MBD5: variants seen among roughly 807,000 people sequenced by gnomAD.
MBD5 encodes methyl-CpG-binding domain protein 5.
Under a neutral mutation model 117.3 loss-of-function variants are expected in MBD5, and 13 were observed. The observed-to-expected ratio is 0.11, with a 90% CI of 0.07 to 0.18. The LOEUF is 0.18. Among genes scored for constraint, MBD5 ranks in the 10% least tolerant of loss-of-function variants. MBD5 has a pLI of 1.00. For synonymous variants in MBD5, 727 were observed against 766.4 expected, an observed-to-expected ratio of 0.95 and a Z score of 0.85; for missense variants, 1,879 against 2,093.8, an observed-to-expected ratio of 0.90 and a Z score of 2.00.
intron 4 of MBD5, among the ~76,000 whole-genome samples, chr2:148,361,114 G>A (rs912098868): frequency 5.9e-5 from 9 of 152,164 alleles, no homozygotes; most frequent in East Asian, 1.9e-4. Context: ...TTGGGAGGCC[G>A]AGGCAGCCGG....
intron 1 of MBD5, among the ~76,000 whole-genome samples, chr2:148,060,349 C>A (rs1350524555): frequency 2.0e-5 from 3 of 150,982 alleles, no homozygotes; most frequent in Admixed American, 2.0e-4. Context: ...GAGAGGCATA[C>A]TTTATATATC....
At chr2:148,208,865 T>C (rs1699349353) in intron 2 of MBD5, among the ~76,000 whole-genome samples, 1 of 152,204 alleles carries the variant, frequency 6.6e-6, no homozygotes, top group Admixed American at 6.5e-5. Flanking sequence ...AATAGTATCA[T>C]CAAATACCTC....
intron 4 of MBD5, among the ~76,000 whole-genome samples, chr2:148,384,205 G>C (rs1426486407): frequency 6.6e-6 from 1 of 152,140 alleles, no homozygotes; most frequent in Admixed American, 6.5e-5. Context: ...TGTATATCTA[G>C]AAAACCCCAT....
chr2:148,300,757 A>G (rs1028796416), intron 3 of MBD5, among the ~76,000 whole-genome samples: 1 of 152,238 alleles, frequency 6.6e-6, no homozygotes, highest in Non-Finnish European at 1.5e-5. Context: ...CCAATCAGGC[A>G]TACTCACCAC....
chr2:148,394,702 G>A (rs1486045214), intron 4 of MBD5, among the ~76,000 whole-genome samples: 1 of 138,586 alleles, frequency 7.2e-6, no homozygotes, highest in African/African-American at 2.6e-5. Context: ...TATTTTGTTA[G>A]TGCTGTTCTC....
intron 4 of MBD5, among the ~76,000 whole-genome samples, chr2:148,374,579 C>T (rs976651769): frequency 6.6e-6 from 1 of 152,254 alleles, no homozygotes; most frequent in South Asian, 2.1e-4. Context: ...TAAGGCCTAG[C>T]GCCTGTTGAC....
At chr2:148,114,370 T>C (rs1180754018) in intron 1 of MBD5, among the ~76,000 whole-genome samples, 1 of 152,014 alleles carries the variant, frequency 6.6e-6, no homozygotes, top group African/African-American at 2.4e-5. Context: ...CTCGGGAGGC[T>C]GAGGCAGGAG....
chr2:148,095,282 A>T (rs1696039564), intron 1 of MBD5, among the ~76,000 whole-genome samples: 1 of 152,186 alleles, frequency 6.6e-6, no homozygotes, highest in Non-Finnish European at 1.5e-5. Flanking sequence ...AAGTACTTGA[A>T]AGTGAACATT....
At position 148,445,990 on chromosome 2, in the gene MBD5, T is replaced by C. The variant is rs566586805; in HGVS notation, c.-556-12213T>C. ...CACGATGGGGTTGTTTGTTTTTTTT[T>C]CTTGTAAATTTGTTTGAGTTCATTG... On this transcript the variant is annotated intron_variant, in intron 4 of 13. Transcript: ENST00000642680. 2.0e-5 allele frequency among the ~76,000 whole-genome samples: 3 copies of C among 151,358 alleles called. 1 individual carries two copies. The highest frequency in any genetic ancestry group is 4.9e-5 in the African/African-American group (2 of 40,664).
At chr2:148,460,424 T>C (rs909607152) in intron 5 of MBD5, 2 of 152,208 alleles carry the variant, frequency 1.3e-5, no homozygotes, top group African/African-American at 4.8e-5. Context: ...CAAGCTTTCC[T>C]AGATTAGGTA....
intron 3 of MBD5, among the ~76,000 whole-genome samples, chr2:148,307,005 A>G (rs1334724712): frequency 6.6e-6 from 1 of 152,188 alleles, no homozygotes; most frequent in African/African-American, 2.4e-5. Context: ...GTAGGGTAAC[A>G]TCCTTCTTTT....
rs1553523408 is a variant in MBD5 at position 148,512,914 on chromosome 2, A to T, written c.5157A>T (p.Lys1719Asn). The T allele has an allele frequency of 2.5e-6, 4 of 1,613,812 alleles. No individual in the cohort carries two copies. Among genetic ancestry groups the T allele is most frequent in the Non-Finnish European group, 3.4e-6 (4 of 1,179,824 alleles). The change falls in exon 14 of 14, where the codon AAA becomes AAT. Residue 1719 changes from lysine (K) to asparagine (N), a missense_variant. Around this residue, in one of 4 missense-constraint regions of MBD5, gnomAD observed 135 missense variants for 148.0 expected, o/e 0.91. Coordinates refer to ENST00000642680, the MANE Select transcript of MBD5 (RefSeq NM_001378120.1). ...GTGACAGACAAATGAGACCCCCCAA[A>T]CCCAAGAGGAGGAAGATCTCCAGAT... ...PQGDRQMRPP[K>N]PKRRKISR
intron 9 of MBD5, 45 bp from the exon 10 acceptor site, chr2:148,485,697 C>T: frequency 7.0e-7 from 1 of 1,434,418 alleles, no homozygotes; most frequent in Non-Finnish European, 9.6e-7. Flanking sequence ...CATCGAATCT[C>T]CGAAGAATCA....
Position 148,384,554 on chromosome 2 carries a change from T to G in MBD5, c.-557+42218T>G, listed in dbSNP as rs376730938. On this transcript the variant is annotated intron_variant, in intron 4 of 13. Coordinates refer to ENST00000642680, the MANE Select transcript of MBD5 (RefSeq NM_001378120.1). Reference sequence around the variant, plus strand: ...ATACTGCCTAAGGTAACTTATAGATTCAATGCCATCCCCATCAAGCTACCA... The same window carrying G: ...ATACTGCCTAAGGTAACTTATAGATGCAATGCCATCCCCATCAAGCTACCA... Among the ~76,000 whole-genome samples, 18 of 152,298 alleles carry G rather than the reference T, an allele frequency of 1.2e-4. No individual in the cohort carries two copies. The East Asian group carries it at 3.1e-3, about 26-fold the overall frequency.
At chr2:148,249,116 T>C (rs570618615) in intron 3 of MBD5, among the ~76,000 whole-genome samples, 1 of 152,304 alleles carries the variant, frequency 6.6e-6, no homozygotes, top group Non-Finnish European at 1.5e-5. Context: ...TATTGTTAAA[T>C]TTTATTGAAT....
In MBD5 at chr2:148,468,484, C is replaced by T. The variant is rs749628988; in HGVS notation, c.541C>T (p.Leu181=). 3.1e-6 allele frequency: 5 copies of T among 1,613,840 alleles called. No homozygotes were observed. In the South Asian group the frequency reaches 5.5e-5, roughly 18 times the overall value. Residue 181 remains leucine, a synonymous_variant, in exon 8 of 14, where the codon CTA becomes TTA. Coordinates refer to ENST00000642680, the MANE Select transcript of MBD5 (RefSeq NM_001378120.1). Reference sequence around the variant, plus strand: ...TGGATCATCAAATGCCATGGGAAGGCTATATGTACAAGAACTGCCTGGAAG... The same window carrying T: ...TGGATCATCAAATGCCATGGGAAGGTTATATGTACAAGAACTGCCTGGAAG... ...MIGSSNAMGR[L]YVQELPGSQQ... is the part of the protein sequence containing the mutation.
At chr2:148,030,721 G>T (rs1354181481) in intron 1 of MBD5, among the ~76,000 whole-genome samples, 4 of 152,140 alleles carry the variant, frequency 2.6e-5, no homozygotes, top group Admixed American at 1.3e-4. Context: ...TTATATTCAT[G>T]TAATGATTTT....
intron 1 of MBD5, among the ~76,000 whole-genome samples, chr2:148,103,553 G>A (rs1011857402): frequency 6.6e-6 from 1 of 152,140 alleles, no homozygotes; most frequent in African/African-American, 2.4e-5. Flanking sequence ...TACATGCTAA[G>A]TAGGCAAATT....
chr2:148,499,371 C>G (rs1315085317), intron 11 of MBD5, among the ~76,000 whole-genome samples: 1 of 152,066 alleles, frequency 6.6e-6, no homozygotes, highest in Non-Finnish European at 1.5e-5. Context: ...CATATAAATT[C>G]CAGGTAGCTT....
Sources: gnomAD v4.1 joint callset for allele counts (sites outside exome capture counted in the v4.1 genomes callset) on GRCh38, gnomAD v4.1.1 for gene constraint, gnomAD v4.1.1 regional missense constraint, MANE v1.5 for transcripts, NCBI Gene and HGNC (gene_info 2026-07-23, HGNC 2026-07-21) for gene names.